Variants in KLF12 observed in about 807,000 individuals in gnomAD.
KLF12 encodes KLF transcription factor 12, also known as Krueppel-like factor 12.
Under a neutral mutation model 37.8 loss-of-function variants are expected in KLF12, and 9 were observed. The ratio of observed to expected loss-of-function variants is 0.24; its 90% CI spans 0.14 to 0.42. The LOEUF is 0.42. KLF12 is among the 10% of genes least tolerant of loss of function. The pLI is 1.00. For missense variants in KLF12, 411 were observed against 516.0 expected (o/e 0.80, Z 1.97); for synonymous variants, 208 against 202.1 (o/e 1.03, Z -0.25).
the KLF12 span, among the ~76,000 whole-genome samples, chr13:74,177,756 T>G: frequency 3.3e-5 from 5 of 152,178 alleles, no homozygotes; most frequent in African/African-American, 1.2e-4. Flanking sequence ...CCAGACAGAC[T>G]TGCAGGAGGG....
At chr13:73,927,926 C>T (rs546888503) in intron 3 of KLF12, among the ~76,000 whole-genome samples, 111 of 150,488 alleles carry the variant, frequency 7.4e-4, no homozygotes, top group Middle Eastern at 6.9e-3. Context: ...GGCATGATCT[C>T]GGCTCACTGC....
upstream of KLF12, among the ~76,000 whole-genome samples, chr13:74,136,120 G>GGAAGAAATGTCTGAAA (rs1296852560): frequency 2.0e-5 from 3 of 152,232 alleles, no homozygotes; most frequent in Non-Finnish European, 4.4e-5. Flanking sequence ...GTTTCGAAGA[G>GGAAGAAATGTCTGAAA]GAAGAAATGT....
At chr13:73,956,184 A>G (rs969044240) in intron 2 of KLF12, among the ~76,000 whole-genome samples, 1 of 152,220 alleles carries the variant, frequency 6.6e-6, no homozygotes, top group Non-Finnish European at 1.5e-5. Flanking sequence ...ACTTCCTGCC[A>G]GCCTCTTAAT....
At position 74,044,883 on chromosome 13, in the gene KLF12, A is replaced by T. The variant is rs143467091; in HGVS notation, c.-31-49830T>A. Among the ~76,000 whole-genome samples, 417 of 152,162 alleles carry T rather than the reference A, an allele frequency of 2.7e-3. 4 individuals carry two copies. The highest frequency in any genetic ancestry group is 9.2e-3 in the African/African-American group (384 of 41,522). On this transcript the variant is annotated intron_variant, in intron 1 of 7. Coordinates refer to ENST00000377669, the MANE Select transcript of KLF12 (RefSeq NM_007249.5). ...CTCAAAAAAAAAAAAAAAGTTACCA[A>T]TGGCCAAAGCTAAAACAAATTGGGC...
intron 3 of KLF12, among the ~76,000 whole-genome samples, chr13:73,860,698 T>G (rs1031152414): frequency 4.6e-5 from 7 of 152,178 alleles, no homozygotes. Flanking sequence ...GAGCTATGAT[T>G]GCATCACTGC....
At chr13:73,835,225 G>A (rs1282845943) in intron 4 of KLF12, among the ~76,000 whole-genome samples, 2 of 151,934 alleles carry the variant, frequency 1.3e-5, no homozygotes, top group Non-Finnish European at 2.9e-5. Context: ...AAACTAGCTG[G>A]GAAAATCCGG....
chr13:74,243,840 C>T, the KLF12 span, among the ~76,000 whole-genome samples: 1 of 152,154 alleles, frequency 6.6e-6, no homozygotes, highest in Non-Finnish European at 1.5e-5. Context: ...GAAGGGCATT[C>T]TAAGCAATGG....
chr13:73,912,958 A>G (rs1302657164), intron 3 of KLF12, among the ~76,000 whole-genome samples: 1 of 148,240 alleles, frequency 6.7e-6, no homozygotes, highest in Non-Finnish European at 1.5e-5. Flanking sequence ...CCATGTTATT[A>G]TCTTTCATAA....
chr13:74,077,227 C>T (rs572253065), intron 1 of KLF12, among the ~76,000 whole-genome samples: 1 of 152,168 alleles, frequency 6.6e-6, no homozygotes, highest in East Asian at 1.9e-4. Flanking sequence ...TGCCACACTG[C>T]TTTCCCCAAT....
chr13:74,199,242 T>A, the KLF12 span, among the ~76,000 whole-genome samples: 1 of 152,136 alleles, frequency 6.6e-6, no homozygotes, highest in Non-Finnish European at 1.5e-5. Flanking sequence ...TCCGAAACCA[T>A]CTTGGGAATG....
the KLF12 span, among the ~76,000 whole-genome samples, chr13:74,151,522 G>A: frequency 4.6e-5 from 7 of 152,070 alleles, no homozygotes; most frequent in Non-Finnish European, 7.4e-5. Flanking sequence ...GTGTGGTGGT[G>A]CACACCTGTA....
the KLF12 span, among the ~76,000 whole-genome samples, chr13:74,174,335 C>CTTTTTTTTTTTTTTT: frequency 7.5e-6 from 1 of 133,164 alleles, no homozygotes; most frequent in Non-Finnish European, 1.6e-5. Flanking sequence ...TCTTTCTTTT[C>CTTTTTTTTTTTTTTT]TTTTTTTTTT....
At chr13:73,963,638 T>C (rs1391990177) in intron 2 of KLF12, among the ~76,000 whole-genome samples, 1 of 152,174 alleles carries the variant, frequency 6.6e-6, no homozygotes, top group African/African-American at 2.4e-5. Flanking sequence ...ATTTTCTATA[T>C]GGAAAAGTTT....
At chr13:74,081,779 A>G (rs1384997856) in intron 1 of KLF12, among the ~76,000 whole-genome samples, 2 of 152,168 alleles carry the variant, frequency 1.3e-5, no homozygotes, top group East Asian at 3.9e-4. Context: ...ATTCTCCTAT[A>G]TTACTCGTGC....
intron 1 of KLF12, among the ~76,000 whole-genome samples, chr13:74,086,275 C>T (rs1381161754): frequency 1.6e-5 from 2 of 124,664 alleles, no homozygotes; most frequent in Non-Finnish European, 3.3e-5. Context: ...CCCCTCCCCC[C>T]ACCCCACAAC....
chr13:73,877,354 C>CT (rs1409547900), intron 3 of KLF12, among the ~76,000 whole-genome samples: 3 of 152,110 alleles, frequency 2.0e-5, no homozygotes, highest in Non-Finnish European at 4.4e-5. Context: ...CATATTACAG[C>CT]TCAGATCATC....
At chr13:73,795,713 A>T (rs1881922502) in intron 5 of KLF12, among the ~76,000 whole-genome samples, 1 of 152,204 alleles carries the variant, frequency 6.6e-6, no homozygotes, top group African/African-American at 2.4e-5. Flanking sequence ...AAGAGACGGA[A>T]GGTTAGAGAG....
At chr13:73,751,558 C>T (rs1878757070) in intron 6 of KLF12, among the ~76,000 whole-genome samples, 1 of 152,050 alleles carries the variant, frequency 6.6e-6, no homozygotes, top group Non-Finnish European at 1.5e-5. Flanking sequence ...AGGAGGAATG[C>T]TGGACTCATT....
chr13:73,814,638 C>A (rs1883120395), intron 4 of KLF12, among the ~76,000 whole-genome samples: 1 of 152,086 alleles, frequency 6.6e-6, no homozygotes, highest in Non-Finnish European at 1.5e-5. Context: ...TTGGTAAATA[C>A]TAAATTTAAA....
Sources: allele counts gnomAD v4.1 joint callset (sites outside exome capture counted in the v4.1 genomes callset), GRCh38; gene constraint gnomAD v4.1.1; transcripts MANE v1.5; gene names NCBI Gene and HGNC (gene_info 2026-07-23, HGNC 2026-07-21).